The following CACNA2D3 variants were observed in gnomAD, a reference collection of about 807,000 sequenced individuals.
CACNA2D3 encodes calcium voltage-gated channel auxiliary subunit alpha2delta 3, also known as voltage-dependent calcium channel subunit alpha-2/delta-3.
In CACNA2D3, 60 loss-of-function variants were observed where a neutral mutation model predicts 160.6. That is an observed-to-expected ratio of 0.37 (90% CI 0.30 to 0.46). The LOEUF (loss-of-function observed/expected upper bound fraction) is 0.46. Among genes scored for constraint, CACNA2D3 ranks in the 20% least tolerant of loss-of-function variants. The probability of loss-of-function intolerance (pLI) is 1.00; values close to 1 mark genes in which losing one functional copy is unlikely to be tolerated. For synonymous variants in CACNA2D3, 558 were observed against 492.9 expected, an observed-to-expected ratio of 1.13 and a Z score of -1.75; for missense variants, 1,205 against 1,365.0, an observed-to-expected ratio of 0.88 and a Z score of 1.85.
At position 54,793,755 on chromosome 3, in the gene CACNA2D3, G is replaced by A. The variant is rs551977631; in HGVS notation, c.1381-23098G>A. On this transcript the variant is annotated intron_variant, in intron 13 of 37. Coordinates refer to ENST00000474759, the MANE Select transcript of CACNA2D3 (RefSeq NM_018398.3). ...ATGCTGATGTAATAAAATGAGTTGG[G>A]ATGTATTTCCTTCTTTATTTTCTAA... Among the ~76,000 whole-genome samples, 3 of 152,270 alleles carry A rather than the reference G, an allele frequency of 2.0e-5. No individual in the cohort carries two copies. In the East Asian group the frequency reaches 5.8e-4, roughly 29 times the overall value.
intron 2 of CACNA2D3, among the ~76,000 whole-genome samples, chr3:54,301,223 C>A (rs1289946466): frequency 1.3e-5 from 2 of 151,392 alleles, no homozygotes; most frequent in Non-Finnish European, 2.9e-5. Flanking sequence ...AGCCACTGCA[C>A]TTCAGCTTGG....
chr3:54,708,357 T>G (rs1239607041), intron 11 of CACNA2D3, among the ~76,000 whole-genome samples: 1 of 152,118 alleles, frequency 6.6e-6, no homozygotes, highest in Non-Finnish European at 1.5e-5. Context: ...TTCAAGTCAG[T>G]GAGATAAATT....
At chr3:54,738,865 C>A (rs947481270) in intron 11 of CACNA2D3, among the ~76,000 whole-genome samples, 17 of 152,220 alleles carry the variant, frequency 1.1e-4, no homozygotes, top group African/African-American at 3.6e-4. Context: ...ACGTGTAAGA[C>A]TTGGGGCTGG....
intron 35 of CACNA2D3, among the ~76,000 whole-genome samples, chr3:55,026,390 C>A (rs933095575): frequency 2.6e-5 from 4 of 152,168 alleles, no homozygotes; most frequent in Non-Finnish European, 5.9e-5. Context: ...CTGGGCTGCA[C>A]TTTGAGGAGA....
At chr3:54,565,687 TTAG>T (rs1337475224) in intron 6 of CACNA2D3, among the ~76,000 whole-genome samples, 1 of 152,166 alleles carries the variant, frequency 6.6e-6, no homozygotes, top group Non-Finnish European at 1.5e-5. Context: ...CCACACGTGG[TTAG>T]TAGTCACCAT....
chr3:54,353,019 C>T (rs1387948362), intron 3 of CACNA2D3, among the ~76,000 whole-genome samples: 1 of 152,186 alleles, frequency 6.6e-6, no homozygotes, highest in East Asian at 1.9e-4. Context: ...AATTCATTTA[C>T]ACTCTTTAAG....
chr3:54,606,220 A>G (rs1479109018), intron 9 of CACNA2D3, among the ~76,000 whole-genome samples: 1 of 152,078 alleles, frequency 6.6e-6, no homozygotes, highest in Non-Finnish European at 1.5e-5. Flanking sequence ...TTCTTGTTTT[A>G]TACTTTTCAG....
At chr3:54,244,862 C>T (rs1325560280) in intron 2 of CACNA2D3, among the ~76,000 whole-genome samples, 2 of 152,178 alleles carry the variant, frequency 1.3e-5, no homozygotes, top group Non-Finnish European at 2.9e-5. Context: ...AAAGGTCATG[C>T]TTGTCCATGT....
At chr3:54,406,652 A>T (rs1203346479) in intron 4 of CACNA2D3, among the ~76,000 whole-genome samples, 3 of 152,098 alleles carry the variant, frequency 2.0e-5, no homozygotes, top group Admixed American at 1.3e-4. Context: ...AACATTCATT[A>T]CCAGGTTCAC....
chr3:54,286,535 T>G (rs1395527591), intron 2 of CACNA2D3, among the ~76,000 whole-genome samples: 2 of 152,194 alleles, frequency 1.3e-5, no homozygotes, highest in Non-Finnish European at 2.9e-5. Flanking sequence ...ACTTCCTCAA[T>G]CTAGCAAGGC....
intron 4 of CACNA2D3, among the ~76,000 whole-genome samples, chr3:54,432,489 C>T (rs982911360): frequency 9.2e-5 from 14 of 151,950 alleles, no homozygotes; most frequent in South Asian, 2.1e-4. Flanking sequence ...AAAGAGGAAA[C>T]GAAAAACATG....
chr3:54,172,193 C>T (rs1700586750), intron 2 of CACNA2D3, among the ~76,000 whole-genome samples: 1 of 152,228 alleles, frequency 6.6e-6, no homozygotes, highest in African/African-American at 2.4e-5. Context: ...ATGCTGTTTA[C>T]TCTCCGTGGG....
At chr3:54,466,175 A>G (rs574060585) in intron 4 of CACNA2D3, among the ~76,000 whole-genome samples, 1 of 152,224 alleles carries the variant, frequency 6.6e-6, no homozygotes, top group Non-Finnish European at 1.5e-5. Flanking sequence ...TTCATCTGCA[A>G]AATACCCCTA....
intron 11 of CACNA2D3, 146 bp downstream of exon 11, chr3:54,642,387 A>G (rs1469011425): frequency 1.4e-5 from 7 of 486,870 alleles, no homozygotes; most frequent in Admixed American, 4.4e-5. Flanking sequence ...TGGTTGACCA[A>G]AACTGAAGAC....
chr3:54,158,325 A>G lies in CACNA2D3; in HGVS notation c.204+34731A>G, dbSNP rs545302957. Among the ~76,000 whole-genome samples, 7 of 152,218 alleles carry G rather than the reference A, an allele frequency of 4.6e-5. No individual in the cohort carries two copies. In the East Asian group the frequency reaches 1.2e-3, roughly 25 times the overall value. Reference sequence around the variant, plus strand: ...GCCTTCTGTGGAAATTTTGTTCCAGACTGACTTGAAAGTGTTTTCAGCATC... The same window carrying G: ...GCCTTCTGTGGAAATTTTGTTCCAGGCTGACTTGAAAGTGTTTTCAGCATC... On this transcript the variant is annotated intron_variant, in intron 2 of 37. Coordinates refer to ENST00000474759, the MANE Select transcript of CACNA2D3 (RefSeq NM_018398.3).
At chr3:54,356,618 A>G (rs546994332) in intron 3 of CACNA2D3, among the ~76,000 whole-genome samples, 1 of 152,274 alleles carries the variant, frequency 6.6e-6, no homozygotes, top group African/African-American at 2.4e-5. Flanking sequence ...AGTCTTAAAA[A>G]ATGGGAAGTA....
At chr3:54,654,992 G>A (rs527392311) in intron 11 of CACNA2D3, among the ~76,000 whole-genome samples, 3 of 152,280 alleles carry the variant, frequency 2.0e-5, no homozygotes, top group African/African-American at 7.2e-5. Flanking sequence ...CAGAAACGTG[G>A]TTTGCAGAGC....
intron 5 of CACNA2D3, among the ~76,000 whole-genome samples, chr3:54,543,605 G>A (rs568991411): frequency 2.6e-3 from 396 of 152,196 alleles, no homozygotes; most frequent in Non-Finnish European, 3.3e-3. Flanking sequence ...GCTGAGGCTT[G>A]GCCTCTCTCC....
chr3:54,782,474 T>C (rs1702554758), intron 13 of CACNA2D3, among the ~76,000 whole-genome samples: 1 of 152,182 alleles, frequency 6.6e-6, no homozygotes, highest in African/African-American at 2.4e-5. Flanking sequence ...TTACTTATTG[T>C]TCCATATAGA....
Sources: allele counts gnomAD v4.1 joint callset (sites outside exome capture counted in the v4.1 genomes callset), GRCh38; gene constraint gnomAD v4.1.1; transcripts MANE v1.5; gene names NCBI Gene and HGNC (gene_info 2026-07-23, HGNC 2026-07-21).